The following NPFFR1 variants were observed in gnomAD, a reference collection of about 807,000 sequenced individuals.
The protein encoded by NPFFR1 is neuropeptide FF receptor 1, also known as G-protein coupled receptor 147.
Under a neutral mutation model 12.7 loss-of-function variants are expected in NPFFR1, and 17 were observed. The observed-to-expected ratio is 1.34, with a 90% confidence interval of 0.92 to 2.01. The LOEUF is 2.01. Among genes scored for constraint, NPFFR1 ranks in the 30% most tolerant of loss-of-function variants. NPFFR1 has a pLI of 0.00. For synonymous variants in NPFFR1, 296 were observed against 264.5 expected (o/e 1.12, Z -1.16); for missense variants, 604 against 606.5 (o/e 1.00, Z 0.04).
Position 70,272,096 on chromosome 10 carries a change from G to A in NPFFR1, c.8-5705C>T, listed in dbSNP as rs552676541. On this transcript the variant is annotated intron_variant, in intron 1 of 3. Coordinates refer to ENST00000277942, the MANE Select transcript of NPFFR1 (RefSeq NM_022146.5). Reference sequence around the variant, plus strand: ...CGTGCCACCGCATGCCAGCCTGGGCGACAGAGCGAGACTCTGCCTCAAAAA... The same window carrying A: ...CGTGCCACCGCATGCCAGCCTGGGCAACAGAGCGAGACTCTGCCTCAAAAA... Among the ~76,000 whole-genome samples the A allele has an allele frequency of 3.3e-4, 50 of 150,442 alleles. No homozygotes were observed. In the Middle Eastern group the frequency reaches 0.014, roughly 41 times the overall value.
At position 70,255,067 on chromosome 10, in the gene NPFFR1, TG is replaced by T. The variant is rs1433680042; in HGVS notation, c.1182del (p.Arg395GlyfsTer65). 8.3e-6 allele frequency: 12 copies of T among 1,439,498 alleles called. No homozygotes were observed. The highest frequency in any genetic ancestry group is 1.5e-5 in the South Asian group (1 of 67,096). The allele number at this position is 1,439,498 out of a possible 1,614,324, so 89.2% of individuals were successfully genotyped here. On this transcript the variant is annotated frameshift_variant, in exon 4 of 4. Coordinates refer to ENST00000277942, the MANE Select transcript of NPFFR1 (RefSeq NM_022146.5). LOFTEE classifies it low-confidence loss of function (END_TRUNC). This position sits in a 1 kb window ranked among gnomAD's most constrained non-coding sequence, Gnocchi z 4.2. ...PSESGPSSGA[P>X]RPGRLPLRNG... The stretch of plus-strand genomic sequence containing the variant: ...TTCCGCAGCGGGAGGCGGCCGGGCC[TG>T]GGGGCCCCACTGCTAGGGCCCGACT...
At position 70,255,436 on chromosome 10, in the gene NPFFR1, G is replaced by A. The variant is rs1840555283; in HGVS notation, c.814C>T (p.Leu272=). ...GTGAAGAACAGCGCCACCATGACCAGCATGTGCACCACGCGCGCTCTGCGC... is the reference window on the plus strand; with the variant it reads ...GTGAAGAACAGCGCCACCATGACCAACATGTGCACCACGCGCGCTCTGCGC... ...SRRRARVVHM[L]VMVALFFTLS... Residue 272 remains leucine (L), a synonymous_variant, in exon 4 of 4, where the codon CTG becomes TTG. Coordinates refer to ENST00000277942, the MANE Select transcript of NPFFR1 (RefSeq NM_022146.5). The surrounding 1 kb of genome is among the most constrained non-coding windows in gnomAD (Gnocchi z 4.2). 2 of 1,547,514 alleles carry A rather than the reference G, an allele frequency of 1.3e-6. No individual in the cohort carries two copies. Among genetic ancestry groups the A allele is most frequent in the Admixed American group, 3.9e-5 (2 of 50,978 alleles).
Position 70,283,956 on chromosome 10 carries a change from G to C in NPFFR1, c.-280C>G, listed in dbSNP as rs1840888686. Among the ~76,000 whole-genome samples, 1 of 152,142 alleles carries C rather than the reference G, an allele frequency of 6.6e-6. No homozygotes were observed. Among genetic ancestry groups the C allele is most frequent in the Non-Finnish European group, 1.5e-5 (1 of 68,006 alleles). On this transcript the variant is annotated 5_prime_UTR_variant, in exon 1 of 4. Transcript: ENST00000277942. ...CCGCCGCCCCTCGCCTCCCGACCAG[G>C]GGAAGGAGGGGGCTCGTGAGGCGCA...
chr10:70,281,629 G>A (rs879535935), intron 1 of NPFFR1, among the ~76,000 whole-genome samples: 16 of 152,026 alleles, frequency 1.1e-4, no homozygotes, highest in Admixed American at 1.0e-3. Context: ...TGCATAAAGG[G>A]GATCACACTA....
intron 3 of NPFFR1, among the ~76,000 whole-genome samples, chr10:70,258,866 C>T (rs1188373590): frequency 1.3e-5 from 2 of 152,176 alleles, no homozygotes; most frequent in East Asian, 1.9e-4. Context: ...CTTTCCACTT[C>T]GCTACACTGT....
At position 70,283,751 on chromosome 10, in the gene NPFFR1, G is replaced by T. The variant is rs1000582093; in HGVS notation, c.-75C>A. On this transcript the variant is annotated 5_prime_UTR_variant, in exon 1 of 4. Coordinates refer to ENST00000277942, the MANE Select transcript of NPFFR1 (RefSeq NM_022146.5). ...GGCCCCTTCGGGCCAGCGGGCAGAG[G>T]GACGGTCTCCGGGCACTTGGTTGCG... 2 of 1,498,536 alleles carry T rather than the reference G, an allele frequency of 1.3e-6. No homozygotes were observed. The highest frequency in any genetic ancestry group is 2.0e-5 in the Admixed American group (1 of 50,850). The allele number at this position is 1,498,536 out of a possible 1,614,324, so 92.8% of individuals were successfully genotyped here.
intron 3 of NPFFR1, among the ~76,000 whole-genome samples, chr10:70,257,351 G>A (rs889257253): frequency 3.9e-5 from 6 of 152,168 alleles, no homozygotes; most frequent in African/African-American, 7.2e-5. Context: ...CAGCCATTTT[G>A]ACCCAACCTG....
rs1840512215 is a variant in NPFFR1 at position 70,251,552 on chromosome 10, G to A, written c.*3405C>T. The A allele has an allele frequency of 6.6e-6, 1 of 152,370 alleles. No individual in the cohort carries two copies. Among genetic ancestry groups the A allele is most frequent in the Admixed American group, 6.5e-5 (1 of 15,284 alleles). 9.4% of individuals were successfully genotyped at this position (152,370 alleles called of 1,614,324 possible). A position where few individuals can be genotyped will look rare whatever the true frequency, so the allele number is the denominator to read the frequency against. On this transcript the variant is annotated 3_prime_UTR_variant, in exon 4 of 4. Coordinates refer to ENST00000277942, the MANE Select transcript of NPFFR1 (RefSeq NM_022146.5). ...TGACCACTCATGCCGCACATGGCAG[G>A]ACAGGACACAGAGTCCCTCCAGGAG...
rs916989616 is a variant in NPFFR1, at chr10:70,266,437, G to A, written c.8-46C>T. The A allele has an allele frequency of 4.8e-6, 7 of 1,470,222 alleles. No homozygotes were observed. In the African/African-American group the frequency reaches 8.4e-5, roughly 18 times the overall value. 91.1% of individuals were successfully genotyped at this position (1,470,222 alleles called of 1,614,324 possible). ...TGGTCAGGACCTTAGGCAAAGAAGAGATTACCGATTTCTCACCACTAATGA... is the reference window on the plus strand; with the variant it reads ...TGGTCAGGACCTTAGGCAAAGAAGAAATTACCGATTTCTCACCACTAATGA... On this transcript the variant is annotated intron_variant, in intron 1 of 3. Transcript: ENST00000277942.
Position 70,248,497 on chromosome 10 carries a change from T to G in NPFFR1, c.*6460A>C, listed in dbSNP as rs1437381750. On this transcript the variant is annotated 3_prime_UTR_variant, in exon 4 of 4. Transcript: ENST00000277942. ...TTTTTTGTTTTTTGTTTTTTTTTTTTTTTTTTGAGATGGAGTCTCACTCTG... is the reference window on the plus strand; with the variant it reads ...TTTTTTGTTTTTTGTTTTTTTTTTTGTTTTTTGAGATGGAGTCTCACTCTG... The G allele has an allele frequency of 1.4e-5, 2 of 141,670 alleles. No homozygotes were observed. The highest frequency in any genetic ancestry group is 3.1e-5 in the Non-Finnish European group (2 of 65,270). The allele number at this position is 141,670 out of a possible 1,614,324, so 8.8% of individuals were successfully genotyped here.
At chr10:70,267,178 A>G (rs1840702582) in intron 1 of NPFFR1, among the ~76,000 whole-genome samples, 1 of 152,186 alleles carries the variant, frequency 6.6e-6, no homozygotes, top group Non-Finnish European at 1.5e-5. Context: ...AAAGGCAAGA[A>G]GGCAGTAGAG....
At chr10:70,262,731 G>T (rs1022873642) in intron 2 of NPFFR1, among the ~76,000 whole-genome samples, 4 of 152,180 alleles carry the variant, frequency 2.6e-5, no homozygotes, top group African/African-American at 9.7e-5. Flanking sequence ...TACACATACA[G>T]ATGGACAGAT....
In NPFFR1 at chr10:70,250,304, A is replaced by C. The variant is rs1840497601; in HGVS notation, c.*4653T>G. On this transcript the variant is annotated 3_prime_UTR_variant, in exon 4 of 4. Coordinates refer to ENST00000277942, the MANE Select transcript of NPFFR1 (RefSeq NM_022146.5). ...ACTGCTGATGGGAGTACAAAATGGT[A>C]GAGCGACTTTGGAAAGCACTTTGGC... is the stretch of plus-strand genomic sequence containing the variant. 6.6e-6 allele frequency: 1 copy of C among 152,250 alleles called. No homozygotes were observed. The highest frequency in any genetic ancestry group is 2.4e-5 in the African/African-American group (1 of 41,474). 9.4% of individuals were successfully genotyped at this position (152,250 alleles called of 1,614,324 possible). A position where few individuals can be genotyped will look rare whatever the true frequency, so the allele number is the denominator to read the frequency against.
intron 1 of NPFFR1, among the ~76,000 whole-genome samples, chr10:70,274,768 C>G (rs1166850052): frequency 6.6e-6 from 1 of 152,192 alleles, no homozygotes; most frequent in Admixed American, 6.5e-5. Flanking sequence ...TTACAAAGGG[C>G]CTTGCAGAAC....
chr10:70,258,127 T>C (rs769783088), intron 3 of NPFFR1, among the ~76,000 whole-genome samples: 4 of 152,190 alleles, frequency 2.6e-5, no homozygotes, highest in Non-Finnish European at 4.4e-5. Flanking sequence ...GTTGTTTCTC[T>C]ATACTTTGTC....
chr10:70,276,422 A>T (rs1370354921), intron 1 of NPFFR1, among the ~76,000 whole-genome samples: 1 of 152,212 alleles, frequency 6.6e-6, no homozygotes, highest in East Asian at 1.9e-4. Flanking sequence ...GAAATGACTC[A>T]TAACAAAGCG....
chr10:70,271,382 G>T (rs1365725931), intron 1 of NPFFR1, among the ~76,000 whole-genome samples: 6 of 152,066 alleles, frequency 3.9e-5, no homozygotes, highest in Non-Finnish European at 8.8e-5. Flanking sequence ...ATGTGGTGGT[G>T]CGTGCCTGTA....
At chr10:70,267,133 T>C (rs925347450) in intron 1 of NPFFR1, among the ~76,000 whole-genome samples, 2 of 152,168 alleles carry the variant, frequency 1.3e-5, no homozygotes, top group African/African-American at 4.8e-5. Context: ...TTTGATGTCG[T>C]TCCCCTTCAT....
At chr10:70,280,965 G>A (rs1325912011) in intron 1 of NPFFR1, among the ~76,000 whole-genome samples, 4 of 152,200 alleles carry the variant, frequency 2.6e-5, no homozygotes, top group African/African-American at 9.7e-5. Context: ...ACACGCCACT[G>A]CACTCCAGCC....
Sources: allele counts gnomAD v4.1 joint callset (sites outside exome capture counted in the v4.1 genomes callset), GRCh38; gene constraint gnomAD v4.1.1; non-coding constraint Gnocchi (gnomAD v3.1); transcripts MANE v1.5; gene names NCBI Gene and HGNC (gene_info 2026-07-23, HGNC 2026-07-21).